ANPEP: variants seen among roughly 807,000 people sequenced by gnomAD.
ANPEP encodes aminopeptidase N.
A neutral mutation model predicts 114.6 loss-of-function variants in ANPEP; 70 were observed. The ratio of observed to expected loss-of-function variants is 0.61; its 90% CI spans 0.50 to 0.75. The LOEUF is 0.75. Ranked by LOEUF, ANPEP falls within the 30% of genes least tolerant of loss-of-function variation. ANPEP has a pLI of 0.00. For missense variants in ANPEP, 1,184 were observed against 1,259.5 expected (o/e 0.94, Z 0.91); for synonymous variants, 548 against 522.3 (o/e 1.05, Z -0.67).
intron 15 of ANPEP, 97 bp downstream of exon 15, chr15:89,797,478 C>T: frequency 1.4e-6 from 2 of 1,444,662 alleles, no homozygotes; most frequent in South Asian, 1.5e-5. Flanking sequence ...GTTCCCTGAC[C>T]AGGAGTCCAG....
intron 1 of ANPEP, among the ~76,000 whole-genome samples, chr15:89,811,816 C>T (rs1894821986): frequency 6.6e-6 from 1 of 152,136 alleles, no homozygotes; most frequent in South Asian, 2.1e-4. Context: ...TGCCAGTGAG[C>T]AAAATGCATG....
chr15:89,805,336 T>G lies in ANPEP; in HGVS notation c.742A>C (p.Asn248His), dbSNP rs1229714472. Residue 248 changes from asparagine (N) to histidine (H), a missense_variant, in exon 3 of 21, where the codon AAC becomes CAC. Physicochemically the swap from Asn to His is moderately conservative, Grantham distance 68. Transcript: ENST00000300060. ...GCCCACTCACCTTTGGGAAGCATGT[T>G]GGACAGGGCTGTCAGGTCCTTGGGG... is the stretch of plus-strand genomic sequence containing the variant. ...IHPKDLTALS[N>H]MLPKGPSTPL... is the part of the protein sequence containing the mutation. The G allele has an allele frequency of 6.2e-7, 1 of 1,613,996 alleles. No homozygotes were observed.
At position 89,793,144 on chromosome 15, in the gene ANPEP, T is replaced by C. The variant is rs1473424133; in HGVS notation, c.2158-18A>G. The C allele has an allele frequency of 1.9e-6, 3 of 1,603,030 alleles. No individual in the cohort carries two copies. Among genetic ancestry groups the C allele is most frequent in the African/African-American group, 1.3e-5 (1 of 74,630 alleles). ...AGGTAGTTCTGGGGAAAAGAAAATATGAATCTCATCAAAGACTCATGCCTG... is the reference window on the plus strand; with the variant it reads ...AGGTAGTTCTGGGGAAAAGAAAATACGAATCTCATCAAAGACTCATGCCTG... On this transcript the variant is annotated intron_variant, in intron 15 of 20. Transcript: ENST00000300060.
chr15:89,792,496 G>A lies in ANPEP; in HGVS notation c.2316C>T (p.Val772=), dbSNP rs1369448896. Residue 772 remains valine, a synonymous_variant, in exon 17 of 21, where the codon GTC becomes GTT. Coordinates refer to ENST00000300060, the MANE Select transcript of ANPEP (RefSeq NM_001150.3). ...CCATCCACTGCTTGAAAAGGCCAGA[G>A]ACCATCTCCTCACACTCTGGAACTC... ...SNGVPECEEM[V]SGLFKQWMEN... is the part of the protein sequence containing the mutation. The A allele has an allele frequency of 6.2e-7, 1 of 1,614,024 alleles. No individual in the cohort carries two copies. The highest frequency in any genetic ancestry group is 1.3e-5 in the African/African-American group (1 of 74,906).
chr15:89,793,264 CA>C lies in ANPEP; in HGVS notation c.2158-139del. 4.5e-6 allele frequency: 3 copies of C among 660,652 alleles called. No individual in the cohort carries two copies. The South Asian group carries it at 5.5e-5, about 12-fold the overall frequency. The allele number at this position is 660,652 out of a possible 1,614,324, so 40.9% of individuals were successfully genotyped here. The stretch of plus-strand genomic sequence containing the variant: ...GCCTCACCTGAGGCCAAACAGTGCT[CA>C]AAGGGGCCCATAGAAGTCTAGAGTT... On this transcript the variant is annotated intron_variant, in intron 15 of 20. Coordinates refer to ENST00000300060, the MANE Select transcript of ANPEP (RefSeq NM_001150.3).
intron 15 of ANPEP, among the ~76,000 whole-genome samples, chr15:89,795,906 T>C (rs1186725960): frequency 6.6e-6 from 1 of 152,172 alleles, no homozygotes; most frequent in Non-Finnish European, 1.5e-5. Flanking sequence ...AGAATAGGAC[T>C]CCAGGAGGAG....
chr15:89,807,900 A>G (rs1323662766), intron 1 of ANPEP, among the ~76,000 whole-genome samples: 1 of 152,024 alleles, frequency 6.6e-6, no homozygotes, highest in South Asian at 2.1e-4. Flanking sequence ...TCCACATCCA[A>G]TTCACCCACA....
At chr15:89,808,280 G>A (rs954522361) in intron 1 of ANPEP, among the ~76,000 whole-genome samples, 9 of 152,262 alleles carry the variant, frequency 5.9e-5, no homozygotes, top group Admixed American at 2.6e-4. Context: ...CAAGTCTTCC[G>A]CAGCGAAGCC....
intron 15 of ANPEP, among the ~76,000 whole-genome samples, chr15:89,796,816 A>G (rs1315813546): frequency 3.3e-5 from 5 of 152,124 alleles, no homozygotes; most frequent in Admixed American, 3.3e-4. Context: ...AACATTTTTT[A>G]ATGAAAAAAG....
intron 6 of ANPEP, 61 bp downstream of exon 6, chr15:89,804,192 T>TG: frequency 8.7e-6 from 14 of 1,603,166 alleles, no homozygotes; most frequent in Non-Finnish European, 1.2e-5. Flanking sequence ...AGCCTGGACT[T>TG]GCGCCGTCTC....
At chr15:89,786,160 T>C (rs1466092651) in intron 20 of ANPEP, among the ~76,000 whole-genome samples, 1 of 152,164 alleles carries the variant, frequency 6.6e-6, no homozygotes. Context: ...CCATTTACGA[T>C]AGCATCAACA....
intron 15 of ANPEP, among the ~76,000 whole-genome samples, chr15:89,794,831 T>A (rs28626435): frequency 6.6e-6 from 1 of 151,718 alleles, no homozygotes; most frequent in African/African-American, 2.4e-5. Context: ...CATTGCACAA[T>A]ACAGAGGCTT....
chr15:89,790,515 G>T lies in ANPEP; in HGVS notation c.2696C>A (p.Ser899Tyr), dbSNP rs1175373592. 6.2e-7 allele frequency: 1 copy of T among 1,614,080 alleles called. No homozygotes were observed. The highest frequency in any genetic ancestry group is 2.2e-5 in the East Asian group (1 of 44,872). The change falls in exon 20 of 21, where the codon TCC (serine) becomes TAC (tyrosine). Residue 899 changes from serine (S) to tyrosine (Y), a missense_variant. Physicochemically the swap from Ser to Tyr is moderately radical, Grantham distance 144 (BLOSUM62 -2). Coordinates refer to ENST00000300060, the MANE Select transcript of ANPEP (RefSeq NM_001150.3). ...NDYGGGSFSF[S>Y]NLIQAVTRRF... is the part of the protein sequence containing the mutation. ...TCGTGTCACTGCCTGGATGAGGTTG[G>T]AGAAGGAGAACGAGCCACCACCATA...
Position 89,806,862 on chromosome 15 carries a change from C to G in ANPEP, c.-223-56G>C, listed in dbSNP as rs865886752. The G allele has an allele frequency of 9.7e-6, 4 of 412,442 alleles. No individual in the cohort carries two copies. In the South Asian group the frequency reaches 1.1e-4, roughly 11 times the overall value. The allele number at this position is 412,442 out of a possible 1,614,324, so 25.5% of individuals were successfully genotyped here. On this transcript the variant is annotated intron_variant, in intron 1 of 20. Coordinates refer to ENST00000300060, the MANE Select transcript of ANPEP (RefSeq NM_001150.3). This position sits in a 1 kb window ranked among gnomAD's most constrained non-coding sequence, Gnocchi z 5.7. ...GCTGCAGGCGGCCTGGGATCAGGCC[C>G]GAGGGCTGAAGGGCAGGCTTCCGGC...
chr15:89,785,801 A>C (rs912333657), intron 20 of ANPEP, among the ~76,000 whole-genome samples: 5 of 152,260 alleles, frequency 3.3e-5, no homozygotes, highest in African/African-American at 9.6e-5. Context: ...TGAAGCAACC[A>C]GCCAAATCTA....
Position 89,804,619 on chromosome 15 carries a change from T to C in ANPEP, c.898-2A>G. 6.2e-7 allele frequency: 1 copy of C among 1,613,356 alleles called. No individual in the cohort carries two copies. The highest frequency in any genetic ancestry group is 1.3e-5 in the African/African-American group (1 of 75,048). On this transcript the variant is annotated splice_acceptor_variant, in intron 4 of 20. Coordinates refer to ENST00000300060, the MANE Select transcript of ANPEP (RefSeq NM_001150.3). LOFTEE classifies it high-confidence loss of function. Reference sequence around the variant, plus strand: ...ACTGGGCCGGGCCCAGATCCGGATCTGCAAGGTGTGAGGAAGAAGCAGACC... The same window carrying C: ...ACTGGGCCGGGCCCAGATCCGGATCCGCAAGGTGTGAGGAAGAAGCAGACC...
intron 1 of ANPEP, among the ~76,000 whole-genome samples, chr15:89,812,034 T>C (rs1295486312): frequency 1.3e-5 from 2 of 152,192 alleles, no homozygotes; most frequent in Non-Finnish European, 2.9e-5. Context: ...TAAGTCACAG[T>C]CACAGTGTGG....
intron 16 of ANPEP, among the ~76,000 whole-genome samples, chr15:89,792,820 G>A (rs1968658443): frequency 6.6e-6 from 1 of 152,212 alleles, no homozygotes; most frequent in East Asian, 1.9e-4. Context: ...CCAGTGGGGT[G>A]AGCTAGAGTT....
intron 15 of ANPEP, among the ~76,000 whole-genome samples, chr15:89,794,414 G>T (rs1318098532): frequency 6.6e-6 from 1 of 152,144 alleles, no homozygotes; most frequent in Admixed American, 6.5e-5. Context: ...AATCTGGGAG[G>T]TGGAGGTTGA....
Sources: gnomAD v4.1 joint callset for allele counts (sites outside exome capture counted in the v4.1 genomes callset) on GRCh38, gnomAD v4.1.1 for gene constraint, Gnocchi (gnomAD v3.1) non-coding constraint, MANE v1.5 for transcripts, NCBI Gene and HGNC (gene_info 2026-07-23, HGNC 2026-07-21) for gene names.